ITGAM: variants seen among roughly 807,000 people sequenced by gnomAD.
ITGAM encodes the protein integrin alpha-M.
A neutral mutation model predicts 137.5 loss-of-function variants in ITGAM; 79 were observed. The observed-to-expected ratio is 0.57, with a 90% confidence interval of 0.48 to 0.69. The LOEUF is 0.69. ITGAM is among the 30% of genes least tolerant of loss of function. The pLI is 0.00. For missense variants in ITGAM, 1,343 were observed against 1,483.5 expected, an observed-to-expected ratio of 0.91 and a Z score of 1.56; for synonymous variants, 583 against 592.3, an observed-to-expected ratio of 0.98 and a Z score of 0.23.
At chr16:31,326,661 C>G (rs942549521) in intron 21 of ITGAM, among the ~76,000 whole-genome samples, 195 bp from the exon 22 acceptor site, 1 of 152,186 alleles carries the variant, frequency 6.6e-6, no homozygotes, top group South Asian at 2.1e-4. Flanking sequence ...AGGTGATCCA[C>G]CTGCCTCAGC....
At position 31,329,860 on chromosome 16, in the gene ITGAM, G is replaced by A; in HGVS notation, c.2931G>A (p.Leu977=). ...ISLVFLVPVR[L]NQTVIWDRPQ... is the part of the protein sequence containing the mutation. ...TGGTGTTCTTGGTGCCCGTCCGGCT[G>A]AACCAGACTGTCATATGGGACCGCC... Residue 977 remains leucine, a synonymous_variant, in exon 25 of 30, where the codon CTG becomes CTA. Coordinates refer to ENST00000544665, the MANE Select transcript of ITGAM (RefSeq NM_000632.4). 1 of 1,564,748 alleles carries A rather than the reference G, an allele frequency of 6.4e-7. No individual in the cohort carries two copies.
At chr16:31,293,998 A>G (rs1034279765) in intron 12 of ITGAM, among the ~76,000 whole-genome samples, 8 of 152,080 alleles carry the variant, frequency 5.3e-5, no homozygotes, top group Non-Finnish European at 1.2e-4. Flanking sequence ...TTTTTGTGGC[A>G]ATCGTGAATA....
intron 12 of ITGAM, among the ~76,000 whole-genome samples, chr16:31,297,289 C>T (rs750922142): frequency 7.2e-5 from 11 of 152,140 alleles, no homozygotes; most frequent in African/African-American, 9.7e-5. Context: ...ACTTCAGCCC[C>T]CCGAGGAGCT....
At chr16:31,286,529 A>G (rs554309638) in intron 12 of ITGAM, among the ~76,000 whole-genome samples, 1 of 152,262 alleles carries the variant, frequency 6.6e-6, no homozygotes, top group South Asian at 2.1e-4. Context: ...TCTTTTTAAT[A>G]ATAGCATTCT....
At chr16:31,276,037 C>G (rs892615118) in intron 9 of ITGAM, among the ~76,000 whole-genome samples, 2 of 152,162 alleles carry the variant, frequency 1.3e-5, no homozygotes, top group African/African-American at 2.4e-5. Context: ...AGAATAGTGC[C>G]TGGTACTCAG....
chr16:31,277,007 A>C lies in ITGAM; in HGVS notation c.1171A>C (p.Asn391His). ...ATCAAAGGAGAAAAGCACCTTCATC[A>C]ACATGACCAGAGTGGATTCAGACAT... Reference protein sequence around the residue: ...YTSKEKSTFINMTRVDSDMND... With the variant: ...YTSKEKSTFIHMTRVDSDMND... The change falls in exon 11 of 30, where the codon AAC (asparagine) becomes CAC (histidine). Residue 391 changes from asparagine (N) to histidine (H), a missense_variant. Asn to His is a moderately conservative substitution (Grantham distance 68). Transcript: ENST00000544665. 1 of 1,613,278 alleles carries C rather than the reference A, an allele frequency of 6.2e-7. No homozygotes were observed. The highest frequency in any genetic ancestry group is 2.2e-5 in the East Asian group (1 of 44,882).
At chr16:31,268,743 G>A (rs540688792) in intron 5 of ITGAM, among the ~76,000 whole-genome samples, 11 of 152,254 alleles carry the variant, frequency 7.2e-5, no homozygotes, top group Admixed American at 3.9e-4. Flanking sequence ...TGATGCCACC[G>A]CTGTGTCTCC....
chr16:31,272,938 G>T (rs947335614), intron 7 of ITGAM, among the ~76,000 whole-genome samples: 7 of 152,104 alleles, frequency 4.6e-5, no homozygotes, highest in African/African-American at 1.7e-4. Flanking sequence ...GGGAGACGGA[G>T]CCCCTCCGAG....
In ITGAM at chr16:31,330,381, C is replaced by A; in HGVS notation, c.3134C>A (p.Ala1045Asp). The change falls in exon 27 of 30, where the codon GCT becomes GAT. Residue 1045 changes from alanine (A) to aspartate (D), a missense_variant. Physicochemically the swap from Ala to Asp is moderately radical, Grantham distance 126 (BLOSUM62 -2). Transcript: ENST00000544665. ...TTTGGCATCCAGGAAGAATTCAATG[C>A]TACCCTCAAAGGCAACCTCTCGTTT... ...PFFGIQEEFNATLKGNLSFDW... is the reference protein window; with the variant it reads ...PFFGIQEEFNDTLKGNLSFDW... 1 of 1,613,916 alleles carries A rather than the reference C, an allele frequency of 6.2e-7. No individual in the cohort carries two copies. Among genetic ancestry groups the A allele is most frequent in the Non-Finnish European group, 8.5e-7 (1 of 1,179,774 alleles).
intron 12 of ITGAM, among the ~76,000 whole-genome samples, chr16:31,289,647 C>A (rs2080065651): frequency 6.6e-6 from 1 of 152,068 alleles, no homozygotes; most frequent in African/African-American, 2.4e-5. Flanking sequence ...AGGAGATATA[C>A]CTAATGTAAA....
At chr16:31,272,457 ATATATATTTTTT>A (rs2079859336) in intron 7 of ITGAM, among the ~76,000 whole-genome samples, 2 of 11,242 alleles carry the variant, frequency 1.8e-4, no homozygotes, top group African/African-American at 9.0e-4. Flanking sequence ...ATATATATAT[ATATATATTTTTT>A]TTTTTTTTTT....
Position 31,325,508 on chromosome 16 carries a change from C to T in ITGAM, c.2514C>T (p.Arg838=). The T allele has an allele frequency of 6.2e-7, 1 of 1,613,982 alleles. No individual in the cohort carries two copies. Among genetic ancestry groups the T allele is most frequent in the Non-Finnish European group, 8.5e-7 (1 of 1,179,896 alleles). ...CCTCCCCTGCCTTCCAGAACCAGCG[C>T]TCACAGCGATCCTGGCGCCTGGCCT... ...YRKVSTLQNQ[R]SQRSWRLACE... Residue 838 remains arginine, a synonymous_variant, in exon 21 of 30, where the codon CGC becomes CGT. Transcript: ENST00000544665.
At chr16:31,302,924 CTTTCTT>C (rs1183179540) in intron 14 of ITGAM, among the ~76,000 whole-genome samples, 1 of 12,640 alleles carries the variant, frequency 7.9e-5, no homozygotes, top group South Asian at 2.3e-3. Flanking sequence ...CTCCCTCTTT[CTTTCTT>C]TCTTTCTTTC....
intron 14 of ITGAM, among the ~76,000 whole-genome samples, chr16:31,306,782 T>A (rs1365730340): frequency 2.0e-5 from 3 of 152,166 alleles, no homozygotes; most frequent in African/African-American, 7.2e-5. Context: ...AGTGCTGGGA[T>A]TACAGGCATG....
Position 31,324,019 on chromosome 16 carries a change from G to T in ITGAM, c.2003-380G>T, listed in dbSNP as rs540395727. ...GAGAGTGAGATTCTGTCTCAAAAAAGAAAATAAAAAATAAAAAGAAAGGAA... is the reference window on the plus strand; with the variant it reads ...GAGAGTGAGATTCTGTCTCAAAAAATAAAATAAAAAATAAAAAGAAAGGAA... On this transcript the variant is annotated intron_variant, in intron 16 of 29. Transcript: ENST00000544665. This position sits in a 1 kb window ranked among gnomAD's most constrained non-coding sequence, Gnocchi z 4.5. Among the ~76,000 whole-genome samples the T allele has an allele frequency of 2.2e-5, 3 of 135,990 alleles. No individual in the cohort carries two copies. The highest frequency in any genetic ancestry group is 8.2e-5 in the African/African-American group (3 of 36,580). 89.2% of individuals were successfully genotyped at this position (135,990 alleles called of 152,430 possible).
chr16:31,328,736 G>A (rs2080538930), intron 23 of ITGAM, among the ~76,000 whole-genome samples: 1 of 146,982 alleles, frequency 6.8e-6, no homozygotes, highest in East Asian at 2.1e-4. Flanking sequence ...GTGTGTATTT[G>A]TGCGTATGTC....
At chr16:31,281,634 C>G (rs1000922801) in intron 12 of ITGAM, among the ~76,000 whole-genome samples, 7 of 152,046 alleles carry the variant, frequency 4.6e-5, no homozygotes, top group African/African-American at 1.4e-4. Context: ...GTCTTGCTAG[C>G]GGTCTATCAG....
chr16:31,314,256 G>A (rs2080367180), intron 14 of ITGAM, among the ~76,000 whole-genome samples: 1 of 152,004 alleles, frequency 6.6e-6, no homozygotes, highest in Non-Finnish European at 1.5e-5. Flanking sequence ...TGTCAATTTT[G>A]GCTTTTGTTG....
intron 5 of ITGAM, among the ~76,000 whole-genome samples, chr16:31,269,844 C>T (rs188959458): frequency 2.6e-5 from 4 of 152,268 alleles, no homozygotes; most frequent in Non-Finnish European, 2.9e-5. Flanking sequence ...AATGGGAGAA[C>T]ACCCGGACCT....
Sources: gnomAD v4.1 joint callset for allele counts (sites outside exome capture counted in the v4.1 genomes callset) on GRCh38, gnomAD v4.1.1 for gene constraint, Gnocchi (gnomAD v3.1) non-coding constraint, MANE v1.5 for transcripts, NCBI Gene and HGNC (gene_info 2026-07-23, HGNC 2026-07-21) for gene names.